Variants in RNLS observed in about 807,000 individuals in gnomAD.
The protein encoded by RNLS is renalase, FAD dependent amine oxidase.
A neutral mutation model predicts 39.8 loss-of-function variants in RNLS; 39 were observed. The ratio of observed to expected loss-of-function variants is 0.98; its 90% CI spans 0.76 to 1.28. The LOEUF (loss-of-function observed/expected upper bound fraction) is 1.28. RNLS is among the 50% of genes most tolerant of loss of function. The pLI is 0.00. For missense variants in RNLS, 410 were observed against 413.3 expected, an observed-to-expected ratio of 0.99 and a Z score of 0.07; for synonymous variants, 147 against 150.7, an observed-to-expected ratio of 0.98 and a Z score of 0.18.
the RNLS span, among the ~76,000 whole-genome samples, chr10:88,250,742 C>T: frequency 9.9e-5 from 15 of 152,212 alleles, no homozygotes; most frequent in Non-Finnish European, 1.5e-4. Flanking sequence ...ATTCCGCCCT[C>T]ATTCATGTCC....
chr10:88,361,969 C>T (rs1462748896), intron 5 of RNLS, among the ~76,000 whole-genome samples: 1 of 152,056 alleles, frequency 6.6e-6, no homozygotes, highest in Non-Finnish European at 1.5e-5. Flanking sequence ...TAACTATCTT[C>T]AACAAAAAGG....
chr10:88,204,930 G>A, the RNLS span, among the ~76,000 whole-genome samples: 97 of 152,242 alleles, frequency 6.4e-4, no homozygotes, highest in East Asian at 0.012. Flanking sequence ...GGGGGAAGTC[G>A]GAAGATGAAA....
At chr10:88,471,575 G>A (rs1325159307) in intron 4 of RNLS, among the ~76,000 whole-genome samples, 3 of 152,152 alleles carry the variant, frequency 2.0e-5, no homozygotes, top group Non-Finnish European at 2.9e-5. Flanking sequence ...GAGGTGTCAC[G>A]AGTTCCCAAG....
intron 4 of RNLS, among the ~76,000 whole-genome samples, chr10:88,384,359 TAAC>T (rs1851735041): frequency 6.6e-6 from 1 of 152,226 alleles, no homozygotes. Flanking sequence ...TTTAGATGGT[TAAC>T]AATGATATAG....
chr10:88,421,668 T>C (rs1392515713), intron 4 of RNLS, among the ~76,000 whole-genome samples: 4 of 152,202 alleles, frequency 2.6e-5, no homozygotes, highest in Non-Finnish European at 4.4e-5. Flanking sequence ...CCCCATTACA[T>C]GTATGATCAG....
chr10:88,193,160 G>T, the RNLS span, among the ~76,000 whole-genome samples: 3 of 152,122 alleles, frequency 2.0e-5, no homozygotes, highest in Non-Finnish European at 4.4e-5. Flanking sequence ...ACAACTTAAT[G>T]GTCAACAGGC....
At chr10:88,250,906 A>G in the RNLS span, among the ~76,000 whole-genome samples, 1 of 152,248 alleles carries the variant, frequency 6.6e-6, no homozygotes, top group East Asian at 1.9e-4. Context: ...TTAACATAAC[A>G]AAATACACAA....
chr10:88,333,137 C>T (rs61855363), intron 5 of RNLS, among the ~76,000 whole-genome samples: 34,951 of 151,960 alleles, frequency 0.23, 4,582 homozygotes, highest in Non-Finnish European at 0.28. Flanking sequence ...AAAACAACAA[C>T]AAAATTCTTT....
intron 5 of RNLS, among the ~76,000 whole-genome samples, chr10:88,318,464 G>A (rs1452263397): frequency 6.6e-6 from 1 of 152,230 alleles, no homozygotes; most frequent in Non-Finnish European, 1.5e-5. Context: ...CTGGCTGGGG[G>A]CTGGTATATG....
At chr10:88,458,411 C>T (rs956317982) in intron 4 of RNLS, among the ~76,000 whole-genome samples, 9 of 152,132 alleles carry the variant, frequency 5.9e-5, no homozygotes, top group African/African-American at 2.2e-4. Context: ...TGCTTCTTTC[C>T]CATCCCTCTA....
At chr10:88,567,460 T>C (rs745527769) in intron 4 of RNLS, among the ~76,000 whole-genome samples, 1 of 152,216 alleles carries the variant, frequency 6.6e-6, no homozygotes, top group Admixed American at 6.5e-5. Flanking sequence ...GAGTATGTAA[T>C]TTACAGCACA....
In RNLS at chr10:88,411,118, A is replaced by G. The variant is rs530785879; in HGVS notation, c.527-48393T>C. Among the ~76,000 whole-genome samples the G allele has an allele frequency of 2.6e-5, 4 of 152,280 alleles. No homozygotes were observed. The South Asian group carries it at 8.3e-4, about 32-fold the overall frequency. On this transcript the variant is annotated intron_variant, in intron 4 of 6. Transcript: ENST00000331772. ...TTTCTCATCTCAGCCAACGAGCTCTACAGGAGTTGGTCACTGCACAGTCAA... is the reference window on the plus strand; with the variant it reads ...TTTCTCATCTCAGCCAACGAGCTCTGCAGGAGTTGGTCACTGCACAGTCAA...
At chr10:88,560,080 G>C (rs1159933808) in intron 4 of RNLS, among the ~76,000 whole-genome samples, 3 of 151,972 alleles carry the variant, frequency 2.0e-5, no homozygotes, top group African/African-American at 7.3e-5. Flanking sequence ...CTTTGTGTTG[G>C]TTACATTATA....
At chr10:88,472,228 T>C (rs1275557276) in intron 4 of RNLS, among the ~76,000 whole-genome samples, 1 of 151,988 alleles carries the variant, frequency 6.6e-6, no homozygotes. Flanking sequence ...AGGAGGTGTA[T>C]AAAGCACAAT....
chr10:88,203,129 C>A, the RNLS span, among the ~76,000 whole-genome samples: 5 of 150,456 alleles, frequency 3.3e-5, no homozygotes, highest in Non-Finnish European at 7.4e-5. Context: ...AAAAGAAAAT[C>A]CACCTGTGTA....
chr10:88,534,439 T>C (rs944811502), intron 4 of RNLS, among the ~76,000 whole-genome samples: 1 of 152,196 alleles, frequency 6.6e-6, no homozygotes, highest in African/African-American at 2.4e-5. Flanking sequence ...ACTACAATTA[T>C]AAGAAATAAT....
chr10:88,226,766 T>G, the RNLS span, among the ~76,000 whole-genome samples: 1 of 84,220 alleles, frequency 1.2e-5, no homozygotes, highest in Non-Finnish European at 2.3e-5. Context: ...TTTTTTTTTT[T>G]GGCAGTGGAG....
rs954484494 is a variant in RNLS at position 88,424,146 on chromosome 10, G to A, written c.527-61421C>T. On this transcript the variant is annotated intron_variant, in intron 4 of 6. Coordinates refer to ENST00000331772, the MANE Select transcript of RNLS (RefSeq NM_001031709.3). ...TGTTAACTCTCTGAATCCCTCCATC[G>A]GAACTGAAGGTCCATGAATGCTGAA... is the stretch of plus-strand genomic sequence containing the variant. Among the ~76,000 whole-genome samples, 6 of 152,242 alleles carry A rather than the reference G, an allele frequency of 3.9e-5. No homozygotes were observed. In the South Asian group the frequency reaches 6.2e-4, roughly 16 times the overall value.
At chr10:88,540,464 T>C (rs1339221742) in intron 4 of RNLS, among the ~76,000 whole-genome samples, 1 of 152,176 alleles carries the variant, frequency 6.6e-6, no homozygotes. Flanking sequence ...TTTTAGAGAA[T>C]GCAGCTTAAT....
Sources: allele counts gnomAD v4.1 joint callset (sites outside exome capture counted in the v4.1 genomes callset), GRCh38; gene constraint gnomAD v4.1.1; transcripts MANE v1.5; gene names NCBI Gene and HGNC (gene_info 2026-07-23, HGNC 2026-07-21).